Variants in SMG1 observed in about 807,000 individuals in gnomAD.
SMG1 encodes SMG1 nonsense mediated mRNA decay associated PI3K related kinase, also known as serine/threonine-protein kinase SMG1.
Under a neutral mutation model 419.9 loss-of-function variants are expected in SMG1, and 22 were observed. The ratio of observed to expected loss-of-function variants is 0.05; its 90% CI spans 0.04 to 0.07. SMG1 has a LOEUF of 0.07. Ranked by LOEUF, SMG1 falls within the 10% of genes least tolerant of loss-of-function variation. The pLI is 1.00. For missense variants in SMG1, 3,185 were observed against 4,342.0 expected (o/e 0.73, Z 7.49); for synonymous variants, 1,538 against 1,553.5 (o/e 0.99, Z 0.23).
Position 18,853,833 on chromosome 16 carries a change from A to G in SMG1, c.4518T>C (p.Ser1506=), listed in dbSNP as rs374356267. 23 of 1,613,066 alleles carry G rather than the reference A, an allele frequency of 1.4e-5. 1 individual carries two copies. Among genetic ancestry groups the G allele is most frequent in the Admixed American group, 3.3e-5 (2 of 59,876 alleles). The change falls in exon 31 of 63, where the codon TCT becomes TCC. Residue 1506 remains serine, a synonymous_variant. Coordinates refer to ENST00000446231, the MANE Select transcript of SMG1 (RefSeq NM_015092.5). The part of the protein sequence containing the change: ...QSTHAMEMLS[S]CAISFCKSVK... ...CAGACTTGCAGAAAGATATGGCACAAGAACTCAACATTTCCATTGCATGTG... is the reference window on the plus strand; with the variant it reads ...CAGACTTGCAGAAAGATATGGCACAGGAACTCAACATTTCCATTGCATGTG...
At chr16:18,909,138 T>C (rs1214394362) in intron 1 of SMG1, among the ~76,000 whole-genome samples, 1 of 150,308 alleles carries the variant, frequency 6.7e-6, no homozygotes, top group African/African-American at 2.5e-5. Context: ...ACATCAAGAG[T>C]TCAAGACCAG....
In SMG1 at chr16:18,838,092, G is replaced by A. The variant is rs772878896; in HGVS notation, c.7335C>T (p.Ala2445=). Residue 2445 remains alanine (A), a synonymous_variant, in exon 45 of 63, where the codon GCC becomes GCT. Coordinates refer to ENST00000446231, the MANE Select transcript of SMG1 (RefSeq NM_015092.5). Reference sequence around the variant, plus strand: ...TCTCTCTCTTGCTCTGCTTGCTCTCGGCCTGCTGGCCACCTCCACCATAGA... The same window carrying A: ...TCTCTCTCTTGCTCTGCTTGCTCTCAGCCTGCTGGCCACCTCCACCATAGA... ...GAVYGGGGQQ[A]ESKQSKREME... 26 of 1,613,754 alleles carry A rather than the reference G, an allele frequency of 1.6e-5. No individual in the cohort carries two copies. Among genetic ancestry groups the A allele is most frequent in the South Asian group, 1.1e-4 (10 of 91,072 alleles).
intron 51 of SMG1, among the ~76,000 whole-genome samples, 177 bp downstream of exon 51, chr16:18,832,763 G>A (rs57897896): frequency 1.8e-4 from 28 of 151,892 alleles, no homozygotes; most frequent in Admixed American, 4.6e-4. Flanking sequence ...GCAACTTCTC[G>A]TGATGTATAA....
At position 18,892,352 on chromosome 16, in the gene SMG1, T is replaced by G; in HGVS notation, c.415A>C (p.Arg139=). ...ATKDMRKSQE[R]SMSYSDESRL... is the part of the protein sequence containing the mutation. Reference sequence around the variant, plus strand: ...GACTCATCAGAATAAGACATCGATCTCTCTGTGAATATATAAACATTTTGT... The same window carrying G: ...GACTCATCAGAATAAGACATCGATCGCTCTGTGAATATATAAACATTTTGT... The change falls in exon 4 of 63, where the codon AGA becomes CGA. Residue 139 remains arginine (R), a splice_region_variant and synonymous_variant. Transcript: ENST00000446231. The G allele has an allele frequency of 6.5e-7, 1 of 1,548,606 alleles. No individual in the cohort carries two copies. The highest frequency in any genetic ancestry group is 8.7e-7 in the Non-Finnish European group (1 of 1,145,874).
At chr16:18,850,988 C>T (rs1406145950) in intron 33 of SMG1, among the ~76,000 whole-genome samples, 1 of 152,156 alleles carries the variant, frequency 6.6e-6, no homozygotes, top group Non-Finnish European at 1.5e-5. Context: ...CTCCTGACCT[C>T]AGGTGATCCG....
At chr16:18,883,929 A>AAC (rs2036512687) in intron 9 of SMG1, 141 bp downstream of exon 9, 1 of 408,880 alleles carries the variant, frequency 2.4e-6, no homozygotes, top group Non-Finnish European at 4.5e-6. Flanking sequence ...AAAAAAAAAA[A>AAC]AAAAAATGTT....
intron 55 of SMG1, among the ~76,000 whole-genome samples, chr16:18,822,314 A>T (rs2032607506): frequency 1.2e-5 from 1 of 82,476 alleles, no homozygotes. Flanking sequence ...GGTGTTTTGG[A>T]CATGAAGTCC....
chr16:18,820,008 A>C (rs2032373426), intron 55 of SMG1, among the ~76,000 whole-genome samples: 2 of 152,108 alleles, frequency 1.3e-5, no homozygotes, highest in African/African-American at 4.8e-5. Context: ...TCTGTCACCC[A>C]GGCTGGAGTT....
At chr16:18,855,600 C>T (rs1270942153) in intron 29 of SMG1, among the ~76,000 whole-genome samples, 1 of 152,154 alleles carries the variant, frequency 6.6e-6, no homozygotes, top group Non-Finnish European at 1.5e-5. Context: ...TCCATTTTCC[C>T]CTTCTCAAGG....
In SMG1 at chr16:18,836,111, G is replaced by A. The variant is rs1235902405; in HGVS notation, c.7879C>T (p.Leu2627=). The A allele has an allele frequency of 2.5e-6, 4 of 1,609,414 alleles. No homozygotes were observed. The highest frequency in any genetic ancestry group is 1.3e-5 in the African/African-American group (1 of 74,840). ...CGGAGCACGGAGCGCCTCTGCTGCA[G>A]GAGAGCACCAACCTCCCCCTCCAGC... ...EQLEGEVGAL[L]QQRRSVLRGC... The change falls in exon 48 of 63, where the codon CTG becomes TTG. Residue 2627 remains leucine (L), a synonymous_variant. Transcript: ENST00000446231.
chr16:18,853,989 C>A, intron 30 of SMG1, 122 bp from the exon 31 acceptor site: 1 of 819,546 alleles, frequency 1.2e-6, no homozygotes, highest in Non-Finnish European at 1.8e-6. Flanking sequence ...GTTTCAAACT[C>A]CTATGCTCAA....
At chr16:18,861,643 A>G (rs924227596) in intron 25 of SMG1, among the ~76,000 whole-genome samples, 12 of 152,184 alleles carry the variant, frequency 7.9e-5, no homozygotes, top group African/African-American at 2.7e-4. Flanking sequence ...ACCCTTGAGT[A>G]CTGGGCACTG....
At chr16:18,876,484 A>G in intron 12 of SMG1, 91 bp from the exon 13 acceptor site, 2 of 1,409,310 alleles carry the variant, frequency 1.4e-6, no homozygotes, top group South Asian at 2.7e-5. Context: ...ATTAGTGCTG[A>G]CGATACAAAT....
At chr16:18,813,073 T>C (rs1362109315) in intron 60 of SMG1, among the ~76,000 whole-genome samples, 2 of 152,166 alleles carry the variant, frequency 1.3e-5, no homozygotes, top group African/African-American at 2.4e-5. Flanking sequence ...CTATCATTGT[T>C]GGACATTTGG....
chr16:18,911,258 C>G (rs1227260067), intron 1 of SMG1: 1 of 152,130 alleles, frequency 6.6e-6, no homozygotes, highest in Admixed American at 6.6e-5. Context: ...AATCCCAGCA[C>G]CTTGGGAGAC....
rs1567401986 is a variant in SMG1 at position 18,871,347 on chromosome 16, A to AAC, written c.2302+16_2302+17insGT. On this transcript the variant is annotated intron_variant, in intron 16 of 62. Transcript: ENST00000446231. ...TTGATAAACAAAATAGAAAAAAAAAAAAAAACAGAGTCTTACTGTTGGCTA... is the reference window on the plus strand; with the variant it reads ...TTGATAAACAAAATAGAAAAAAAAAAACAAAAACAGAGTCTTACTGTTGGCTA... 10 of 1,290,730 alleles carry AAC rather than the reference A, an allele frequency of 7.7e-6. No homozygotes were observed. The African/African-American group carries it at 1.2e-4, about 16-fold the overall frequency. 80.0% of individuals were successfully genotyped at this position (1,290,730 alleles called of 1,614,324 possible).
chr16:18,904,098 C>T (rs530431778), intron 1 of SMG1, among the ~76,000 whole-genome samples: 7 of 150,916 alleles, frequency 4.6e-5, no homozygotes, highest in African/African-American at 7.3e-5. Flanking sequence ...ACACCACGCC[C>T]GGCTAATTTT....
intron 1 of SMG1, among the ~76,000 whole-genome samples, chr16:18,898,182 G>A (rs2037209727): frequency 6.6e-6 from 1 of 152,142 alleles, no homozygotes; most frequent in Non-Finnish European, 1.5e-5. Flanking sequence ...TGCACTTACT[G>A]CAATCACTGT....
chr16:18,863,134 G>A (rs1000005264), intron 25 of SMG1, among the ~76,000 whole-genome samples: 4 of 152,182 alleles, frequency 2.6e-5, no homozygotes, highest in African/African-American at 9.7e-5. Flanking sequence ...GCAGTAGAAG[G>A]CAAGGGTATC....
Sources: gnomAD v4.1 joint callset for allele counts (sites outside exome capture counted in the v4.1 genomes callset) on GRCh38, gnomAD v4.1.1 for gene constraint, MANE v1.5 for transcripts, NCBI Gene and HGNC (gene_info 2026-07-23, HGNC 2026-07-21) for gene names.